MYH1: variants seen among roughly 807,000 people sequenced by gnomAD.
The protein encoded by MYH1 is myosin-1.
In MYH1, 214 loss-of-function variants were observed where a neutral mutation model predicts 225.6. The ratio of observed to expected loss-of-function variants is 0.95; its 90% CI spans 0.85 to 1.06. MYH1 has a LOEUF of 1.06. Among genes scored for constraint, MYH1 ranks in the 50% least tolerant of loss-of-function variants. The pLI, the probability that MYH1 is intolerant of heterozygous loss-of-function variation, is 0.00. For synonymous variants in MYH1, 774 were observed against 842.3 expected (o/e 0.92, Z 1.40); for missense variants, 2,098 against 2,344.2 (o/e 0.89, Z 2.17).
chr17:10,510,450 C>A (rs1334359471), intron 14 of MYH1, among the ~76,000 whole-genome samples: 1 of 152,146 alleles, frequency 6.6e-6, no homozygotes, highest in Non-Finnish European at 1.5e-5. Flanking sequence ...GGCTAAGTAA[C>A]TTGTGTAAGA....
intron 15 of MYH1, 92 bp from the exon 16 acceptor site, chr17:10,508,764 T>G: frequency 6.7e-7 from 1 of 1,493,150 alleles, no homozygotes; most frequent in Non-Finnish European, 9.0e-7. Context: ...CTGAGTAAAT[T>G]CATCCTTTAA....
In MYH1 at chr17:10,494,380, A is replaced by G; in HGVS notation, c.5641T>C (p.Ser1881Pro). 1 of 1,614,122 alleles carries G rather than the reference A, an allele frequency of 6.2e-7. No individual in the cohort carries two copies. The highest frequency in any genetic ancestry group is 8.5e-7 in the Non-Finnish European group (1 of 1,180,030). ...GCTTCTTCAGCTTGTCTCTTGTAGG[A>G]TTTCACCTTTGCTTGCAGTTTGTCC... ...LVDKLQAKVK[S>P]YKRQAEEAEE... Residue 1881 changes from serine (S) to proline (P), a missense_variant, in exon 39 of 40, where the codon TCC becomes CCC. Coordinates refer to ENST00000226207, the MANE Select transcript of MYH1 (RefSeq NM_005963.4).
chr17:10,513,123 T>C (rs1005705513), intron 9 of MYH1, among the ~76,000 whole-genome samples, 158 bp from the exon 10 acceptor site: 1 of 152,186 alleles, frequency 6.6e-6, no homozygotes, highest in African/African-American at 2.4e-5. Flanking sequence ...ACAAACACTA[T>C]TGCAGTTCCT....
In MYH1 at chr17:10,508,481, A is replaced by G. The variant is rs770925990; in HGVS notation, c.1779T>C (p.Ile593=). 3 of 1,614,166 alleles carry G rather than the reference A, an allele frequency of 1.9e-6. No individual in the cohort carries two copies. The highest frequency in any genetic ancestry group is 2.2e-5 in the South Asian group (2 of 91,080). Reference sequence around the variant, plus strand: ...CCTTGTTCTTGTCAAGCCAGCCGGCAATGTTGTAGTCCACGGTGCCAGCAT... The same window carrying G: ...CCTTGTTCTTGTCAAGCCAGCCGGCGATGTTGTAGTCCACGGTGCCAGCAT... ...IHYAGTVDYN[I]AGWLDKNKDP... is the part of the protein sequence containing the mutation. The change falls in exon 16 of 40, where the codon ATT becomes ATC. Residue 593 remains isoleucine (I), a synonymous_variant. Coordinates refer to ENST00000226207, the MANE Select transcript of MYH1 (RefSeq NM_005963.4).
In MYH1 at chr17:10,500,623, C is replaced by T; in HGVS notation, c.3865+3G>A. On this transcript the variant is annotated splice_donor_region_variant and intron_variant, in intron 28 of 39. Coordinates refer to ENST00000226207, the MANE Select transcript of MYH1 (RefSeq NM_005963.4). The stretch of plus-strand genomic sequence containing the variant: ...TCAAGGTCAGTACTGGTACATGGCC[C>T]ACCTGATTCTGTTTGCAGGCGCGCT... The T allele has an allele frequency of 1.9e-6, 3 of 1,613,018 alleles. No homozygotes were observed. Among genetic ancestry groups the T allele is most frequent in the South Asian group, 1.1e-5 (1 of 91,004 alleles).
Position 10,515,868 on chromosome 17 carries a change from A to C in MYH1, c.505+58T>G, listed in dbSNP as rs1049911497. On this transcript the variant is annotated intron_variant, in intron 5 of 39. Coordinates refer to ENST00000226207, the MANE Select transcript of MYH1 (RefSeq NM_005963.4). ...TTCTAAAGGTCTTTTTTTAGTTCTA[A>C]TATTTTGTGATTATGGATGGTAAAA... 75 of 1,612,178 alleles carry C rather than the reference A, an allele frequency of 4.7e-5. No individual in the cohort carries two copies. In the Admixed American group the frequency reaches 9.1e-4, roughly 19 times the overall value.
intron 35 of MYH1, among the ~76,000 whole-genome samples, 190 bp downstream of exon 35, chr17:10,495,760 C>CAAAAAAAAAAAAAA (rs3050883): frequency 0.057 from 2,383 of 41,872 alleles, 690 homozygotes; most frequent in African/African-American, 0.081. Context: ...GACTCCGTCT[C>CAAAAAAAAAAAAAA]AAAAAAAAAA....
rs141509869 is a variant in MYH1, at chr17:10,514,118, T to C, written c.540A>G (p.Glu180=). ...RENQSILITG[E]SGAGKTVNTK... ...TGTTCACAGTCTTCCCTGCGCCAGATTCTCCGCTGTCAAAGACCAAACGTA... is the reference window on the plus strand; with the variant it reads ...TGTTCACAGTCTTCCCTGCGCCAGACTCTCCGCTGTCAAAGACCAAACGTA... The change falls in exon 7 of 40, where the codon GAA becomes GAG. Residue 180 remains glutamate, a synonymous_variant. Coordinates refer to ENST00000226207, the MANE Select transcript of MYH1 (RefSeq NM_005963.4). 6.2e-6 allele frequency: 10 copies of C among 1,614,140 alleles called. No individual in the cohort carries two copies. Among genetic ancestry groups the C allele is most frequent in the Non-Finnish European group, 8.5e-6 (10 of 1,179,970 alleles).
In MYH1 at chr17:10,514,119, T is replaced by C. The variant is rs1567723111; in HGVS notation, c.539A>G (p.Glu180Gly). 4 of 1,614,122 alleles carry C rather than the reference T, an allele frequency of 2.5e-6. No individual in the cohort carries two copies. Among genetic ancestry groups the C allele is most frequent in the Non-Finnish European group, 3.4e-6 (4 of 1,179,974 alleles). ...GTTCACAGTCTTCCCTGCGCCAGAT[T>C]CTCCGCTGTCAAAGACCAAACGTAT... Reference protein sequence around the residue: ...RENQSILITGESGAGKTVNTK... With the variant: ...RENQSILITGGSGAGKTVNTK... The change falls in exon 7 of 40, where the codon GAA (glutamate) becomes GGA (glycine). Residue 180 changes from glutamate (E) to glycine (G), a missense_variant. Physicochemically the swap from Glu to Gly is moderately conservative, Grantham distance 98. Coordinates refer to ENST00000226207, the MANE Select transcript of MYH1 (RefSeq NM_005963.4).
intron 2 of MYH1, 37 bp from the exon 3 acceptor site, chr17:10,516,719 A>C: frequency 6.5e-7 from 1 of 1,543,892 alleles, no homozygotes; most frequent in Non-Finnish European, 8.8e-7. Context: ...GAAATTAAGA[A>C]ACTGGACCAT....
chr17:10,505,866 C>G lies in MYH1; in HGVS notation c.2120G>C (p.Arg707Pro). ...LRCNGVLEGI[R>P]ICRKGFPSRI... is the part of the protein sequence containing the mutation. Reference sequence around the variant, plus strand: ...GCTTGGGAAGCCTTTCCTGCAGATGCGGATGCCTTCCAGCACACCGTTACA... The same window carrying G: ...GCTTGGGAAGCCTTTCCTGCAGATGGGGATGCCTTCCAGCACACCGTTACA... Residue 707 changes from arginine (R) to proline (P), a missense_variant, in exon 19 of 40, where the codon CGC (arginine) becomes CCC (proline). Physicochemically the swap from Arg to Pro is moderately radical, Grantham distance 103. Transcript: ENST00000226207. The G allele has an allele frequency of 6.2e-7, 1 of 1,614,080 alleles. No individual in the cohort carries two copies. Among genetic ancestry groups the G allele is most frequent in the Non-Finnish European group, 8.5e-7 (1 of 1,179,962 alleles).
Position 10,513,690 on chromosome 17 carries a change from CTTG to C in MYH1, c.742-4_742-2del. ...CGAAGTGGATCCTGATGAATTTACC[CTTG>C]TAAGTAAAAAAAATGATGTTATACC... On this transcript the variant is annotated splice_acceptor_variant and splice_polypyrimidine_tract_variant and intron_variant, in intron 8 of 39. Transcript: ENST00000226207. LOFTEE classifies it high-confidence loss of function. 2 of 1,614,040 alleles carry C rather than the reference CTTG, an allele frequency of 1.2e-6. No homozygotes were observed. Among genetic ancestry groups the C allele is most frequent in the African/African-American group, 2.7e-5 (2 of 75,024 alleles).
Position 10,494,357 on chromosome 17 carries a change from T to G in MYH1, c.5664A>C (p.Glu1888Asp). Reference sequence around the variant, plus strand: ...CCCCAAGGGGTTGTGAACTCACCGCTTCTTCAGCTTGTCTCTTGTAGGATT... The same window carrying G: ...CCCCAAGGGGTTGTGAACTCACCGCGTCTTCAGCTTGTCTCTTGTAGGATT... ...KVKSYKRQAE[E>D]AEEQSNVNLS... Residue 1888 changes from glutamate to aspartate, a missense_variant, in exon 39 of 40, where the codon GAA (glutamate) becomes GAC (aspartate). Physicochemically the swap from Glu to Asp is conservative, Grantham distance 45 (BLOSUM62 2). Transcript: ENST00000226207. The G allele has an allele frequency of 6.2e-7, 1 of 1,614,074 alleles. No homozygotes were observed. The highest frequency in any genetic ancestry group is 8.5e-7 in the Non-Finnish European group (1 of 1,179,980).
At chr17:10,500,454 A>G (rs1452962709) in intron 28 of MYH1, among the ~76,000 whole-genome samples, 172 bp downstream of exon 28, 1 of 151,920 alleles carries the variant, frequency 6.6e-6, no homozygotes, top group East Asian at 1.9e-4. Flanking sequence ...TTTCTCTCGT[A>G]TATATATGAA....
intron 27 of MYH1, 104 bp downstream of exon 27, chr17:10,501,006 A>G: frequency 6.5e-7 from 1 of 1,528,562 alleles, no homozygotes; most frequent in Non-Finnish European, 8.9e-7. Flanking sequence ...TATGAGAAAA[A>G]GGGTGCCTGA....
Position 10,495,181 on chromosome 17 carries a change from C to G in MYH1, c.5295+11G>C. 1 of 1,614,188 alleles carries G rather than the reference C, an allele frequency of 6.2e-7. No individual in the cohort carries two copies. Among genetic ancestry groups the G allele is most frequent in the Non-Finnish European group, 8.5e-7 (1 of 1,180,030 alleles). ...TTAAGTTTGACCACCACTGTGTTAC[C>G]CTTCACTCACATCAGTGATGGCCTT... On this transcript the variant is annotated intron_variant, in intron 36 of 39. Coordinates refer to ENST00000226207, the MANE Select transcript of MYH1 (RefSeq NM_005963.4).
intron 22 of MYH1, among the ~76,000 whole-genome samples, 168 bp downstream of exon 22, chr17:10,504,642 G>A (rs1423940825): frequency 6.6e-6 from 1 of 152,162 alleles, no homozygotes; most frequent in Non-Finnish European, 1.5e-5. Flanking sequence ...CTACCACAGT[G>A]ATTTTTAGTA....
intron 24 of MYH1, among the ~76,000 whole-genome samples, chr17:10,502,490 C>T (rs996073251): frequency 1.3e-5 from 2 of 152,180 alleles, no homozygotes; most frequent in African/African-American, 4.8e-5. Flanking sequence ...TCTTTGTGAA[C>T]ACATTAACCT....
At chr17:10,516,831 G>A (rs560215296) in intron 2 of MYH1, 149 bp from the exon 3 acceptor site, 4 of 669,336 alleles carry the variant, frequency 6.0e-6, no homozygotes, top group South Asian at 6.0e-5. Flanking sequence ...AGGATAAAAT[G>A]TCAGTCTCCT....
Sources: gnomAD v4.1 joint callset for allele counts (sites outside exome capture counted in the v4.1 genomes callset) on GRCh38, gnomAD v4.1.1 for gene constraint, MANE v1.5 for transcripts, NCBI Gene and HGNC (gene_info 2026-07-23, HGNC 2026-07-21) for gene names.